MAML1: variants seen among roughly 807,000 people sequenced by gnomAD.
The protein encoded by MAML1 is mastermind-like protein 1.
Under a neutral mutation model 77.1 loss-of-function variants are expected in MAML1, and 14 were observed. The observed-to-expected ratio is 0.18, with a 90% CI of 0.12 to 0.28. The LOEUF (loss-of-function observed/expected upper bound fraction) is 0.28, where lower values mean the gene tolerates loss of function less well. MAML1 is among the 10% of genes least tolerant of loss of function. The probability of loss-of-function intolerance (pLI) is 1.00; values close to 1 mark genes in which losing one functional copy is unlikely to be tolerated. For missense variants in MAML1, 1,217 were observed against 1,327.8 expected (o/e 0.92, Z 1.30); for synonymous variants, 516 against 551.9 (o/e 0.93, Z 0.91).
intron 1 of MAML1, among the ~76,000 whole-genome samples, chr5:179,751,778 G>T (rs771084609): frequency 6.6e-6 from 1 of 152,072 alleles, no homozygotes; most frequent in Non-Finnish European, 1.5e-5. Flanking sequence ...TGGGGAGGCT[G>T]AACTGGGCAG....
In MAML1 at chr5:179,768,903, C is replaced by T. The variant is rs1249134344; in HGVS notation, c.1785C>T (p.Thr595=). The T allele has an allele frequency of 2.5e-6, 4 of 1,614,172 alleles. No individual in the cohort carries two copies. Among genetic ancestry groups the T allele is most frequent in the Non-Finnish European group, 3.4e-6 (4 of 1,180,036 alleles). The change falls in exon 3 of 5, where the codon ACC becomes ACT. Residue 595 remains threonine (T), a synonymous_variant. Coordinates refer to ENST00000292599, the MANE Select transcript of MAML1 (RefSeq NM_014757.5). ...PVQAQATSVG[T]QPPAVSVASS... is the part of the protein sequence containing the mutation. ...AAGCCCAGGCTACCAGTGTTGGGAC[C>T]CAGCCGCCTGCCGTGTCCGTGGCCA...
At chr5:179,741,745 C>G (rs1210027335) in intron 1 of MAML1, among the ~76,000 whole-genome samples, 1 of 150,770 alleles carries the variant, frequency 6.6e-6, no homozygotes, top group African/African-American at 2.4e-5. Flanking sequence ...TAGCCAGATG[C>G]TTTCCCCAGA....
At chr5:179,762,844 A>G (rs952524896) in intron 1 of MAML1, among the ~76,000 whole-genome samples, 1 of 152,192 alleles carries the variant, frequency 6.6e-6, no homozygotes, top group South Asian at 2.1e-4. Context: ...ATCCCCGTCT[A>G]CGTTATTCCA....
chr5:179,753,220 TGTGC>T (rs765942036), intron 1 of MAML1, among the ~76,000 whole-genome samples: 7,384 of 37,620 alleles, frequency 0.2, 152 homozygotes, highest in Middle Eastern at 0.31. Context: ...TGTGTGTGTG[TGTGC>T]GCGCGCGCGC....
chr5:179,756,781 G>A (rs377132766), intron 1 of MAML1, among the ~76,000 whole-genome samples: 2 of 152,136 alleles, frequency 1.3e-5, no homozygotes, highest in African/African-American at 2.4e-5. Context: ...TAACATGGGC[G>A]TAGTATGGAG....
At chr5:179,745,240 A>G (rs866244333) in intron 1 of MAML1, among the ~76,000 whole-genome samples, 21 of 152,072 alleles carry the variant, frequency 1.4e-4, no homozygotes, top group African/African-American at 4.8e-4. Flanking sequence ...ATTATGTAAA[A>G]AAGTACAAGT....
chr5:179,762,309 G>A (rs943995319), intron 1 of MAML1, among the ~76,000 whole-genome samples: 2 of 152,136 alleles, frequency 1.3e-5, no homozygotes, highest in African/African-American at 2.4e-5. Flanking sequence ...GCCAGCTCCA[G>A]CTTGATTCAG....
chr5:179,752,502 A>AACTTAAAGTTGCAT (rs1316513294), intron 1 of MAML1, among the ~76,000 whole-genome samples: 1 of 148,444 alleles, frequency 6.7e-6, no homozygotes, highest in Non-Finnish European at 1.5e-5. Context: ...GCTACTAGCA[A>AACTTAAAGTTGCAT]ATTTTGCCCA....
In MAML1 at chr5:179,766,666, C is replaced by G. The variant is rs141579564; in HGVS notation, c.1656C>G (p.His552Gln). The change falls in exon 2 of 5, where the codon CAC becomes CAG. Residue 552 changes from histidine to glutamine, a missense_variant. By Grantham distance (24) the His-to-Gln change is conservative. Coordinates refer to ENST00000292599, the MANE Select transcript of MAML1 (RefSeq NM_014757.5). The surrounding 1 kb of genome is among the most constrained non-coding windows in gnomAD (Gnocchi z 4.0). Reference protein sequence around the residue: ...YLPQQLSHISHEQNSLFLMKP... With the variant: ...YLPQQLSHISQEQNSLFLMKP... ...CCCAGCAGCTGTCCCATATAAGTCA[C>G]GAGCAGAACTCCCTGTTTCTGATGA... The G allele has an allele frequency of 1.9e-6, 3 of 1,606,020 alleles. No individual in the cohort carries two copies. Among genetic ancestry groups the G allele is most frequent in the Non-Finnish European group, 2.6e-6 (3 of 1,175,550 alleles).
At chr5:179,751,089 T>C (rs1396401581) in intron 1 of MAML1, among the ~76,000 whole-genome samples, 1 of 152,184 alleles carries the variant, frequency 6.6e-6, no homozygotes, top group Non-Finnish European at 1.5e-5. Context: ...TTCTCCTGTC[T>C]CAGCCTCCCG....
intron 1 of MAML1, among the ~76,000 whole-genome samples, chr5:179,748,513 TAA>T (rs1006715313): frequency 3.3e-5 from 5 of 152,184 alleles, no homozygotes; most frequent in African/African-American, 7.2e-5. Flanking sequence ...AACAATATTA[TAA>T]GAGTTGTTTA....
Position 179,771,073 on chromosome 5 carries a change from TG to T in MAML1, c.1972-73del, listed in dbSNP as rs1218155106. On this transcript the variant is annotated intron_variant, in intron 3 of 4. Coordinates refer to ENST00000292599, the MANE Select transcript of MAML1 (RefSeq NM_014757.5). The surrounding 1 kb of genome is among the most constrained non-coding windows in gnomAD (Gnocchi z 4.7). Reference sequence around the variant, plus strand: ...CAAACTTGGATAAGTTACTTTTCTCTGACCTCCCTCACTCCCTTTGTTTTGG... The same window carrying T: ...CAAACTTGGATAAGTTACTTTTCTCTACCTCCCTCACTCCCTTTGTTTTGG... 8 of 1,120,216 alleles carry T rather than the reference TG, an allele frequency of 7.1e-6. No homozygotes were observed. In the South Asian group the frequency reaches 9.9e-5, roughly 14 times the overall value. 69.4% of individuals were successfully genotyped at this position (1,120,216 alleles called of 1,614,324 possible). A position where few individuals can be genotyped will look rare whatever the true frequency, so the allele number is the denominator to read the frequency against.
Position 179,765,924 on chromosome 5 carries a change from C to T in MAML1, c.914C>T (p.Ala305Val). ...DINIKTEFSP[A>V]AFEQEQLGSP... ...AATATTAAGACGGAATTCTCTCCAG[C>T]AGCCTTTGAGCAAGAACAGTTAGGC... The change falls in exon 2 of 5, where the codon GCA (alanine) becomes GTA (valine). Residue 305 changes from alanine to valine, a missense_variant. Around this residue, in one of 3 missense-constraint regions of MAML1, gnomAD observed 884 missense variants for 949.3 expected, o/e 0.93. Coordinates refer to ENST00000292599, the MANE Select transcript of MAML1 (RefSeq NM_014757.5). 1.9e-6 allele frequency: 3 copies of T among 1,614,174 alleles called. 1 individual carries two copies. In the South Asian group the frequency reaches 3.3e-5, roughly 18 times the overall value.
chr5:179,753,654 ATTTTTTTTT>A (rs1209995171), intron 1 of MAML1, among the ~76,000 whole-genome samples: 2 of 88,850 alleles, frequency 2.3e-5, no homozygotes, highest in Non-Finnish European at 4.4e-5. Context: ...TATTATTATT[ATTTTTTTTT>A]TTTTTTTTTT....
At chr5:179,741,655 C>T (rs1020667838) in intron 1 of MAML1, among the ~76,000 whole-genome samples, 13 of 139,522 alleles carry the variant, frequency 9.3e-5, no homozygotes, top group Admixed American at 7.8e-5. Context: ...CATCGTACTA[C>T]AGCCTGGGTG....
chr5:179,762,136 T>G (rs999658232), intron 1 of MAML1, among the ~76,000 whole-genome samples: 6 of 152,118 alleles, frequency 3.9e-5, no homozygotes, highest in Non-Finnish European at 5.9e-5. Flanking sequence ...ATGTAGGTAT[T>G]GTCATTTTTT....
Position 179,776,457 on chromosome 5 carries a change from T to A in MAML1, c.*1580T>A. On this transcript the variant is annotated 3_prime_UTR_variant, in exon 5 of 5. Coordinates refer to ENST00000292599, the MANE Select transcript of MAML1 (RefSeq NM_014757.5). ...TGGACCCTCAGATCTTCTTTTCTAA[T>A]AGCCATTTGCCACCCCAAGTGGTAT... The A allele has an allele frequency of 1.0e-6, 1 of 985,882 alleles. No homozygotes were observed. Among genetic ancestry groups the A allele is most frequent in the South Asian group, 4.7e-5 (1 of 21,288 alleles). 61.1% of individuals were successfully genotyped at this position (985,882 alleles called of 1,614,324 possible). A position where few individuals can be genotyped will look rare whatever the true frequency, so the allele number is the denominator to read the frequency against.
chr5:179,760,028 G>T (rs1366639795), intron 1 of MAML1, among the ~76,000 whole-genome samples: 1 of 152,182 alleles, frequency 6.6e-6, no homozygotes, highest in Non-Finnish European at 1.5e-5. Context: ...GTCTTATGTG[G>T]GAACAGAGGA....
At chr5:179,764,234 C>T (rs757184455) in intron 1 of MAML1, among the ~76,000 whole-genome samples, 2 of 152,178 alleles carry the variant, frequency 1.3e-5, no homozygotes, top group Non-Finnish European at 2.9e-5. Flanking sequence ...ATGTTCCCCA[C>T]AGCACTTGTC....
Sources: allele counts gnomAD v4.1 joint callset (sites outside exome capture counted in the v4.1 genomes callset), GRCh38; gene constraint gnomAD v4.1.1; regional missense constraint gnomAD v4.1.1; non-coding constraint Gnocchi (gnomAD v3.1); transcripts MANE v1.5; gene names NCBI Gene and HGNC (gene_info 2026-07-23, HGNC 2026-07-21).